Variants in CEP83 observed in about 807,000 individuals in gnomAD.
CEP83 encodes the protein centrosomal protein of 83 kDa.
CEP83 carries 70 observed loss-of-function variants against 101.9 expected under a neutral mutation model. The observed-to-expected ratio is 0.69, with a 90% CI of 0.57 to 0.84. The LOEUF (loss-of-function observed/expected upper bound fraction) is 0.84. CEP83 is among the 40% of genes least tolerant of loss of function. The probability of loss-of-function intolerance (pLI) is 0.00; values close to 1 mark genes in which losing one functional copy is unlikely to be tolerated. For synonymous variants in CEP83, 264 were observed against 267.9 expected, an observed-to-expected ratio of 0.99 and a Z score of 0.14; for missense variants, 715 against 787.2, an observed-to-expected ratio of 0.91 and a Z score of 1.10.
the CEP83 span, chr12:94,300,814 AC>A: frequency 8.5e-7 from 1 of 1,170,926 alleles, no homozygotes; most frequent in African/African-American, 1.5e-5. Context: ...TACTTCAATA[AC>A]AAGGACAAAA....
chr12:94,415,095 T>C (rs1254801124), intron 2 of CEP83, among the ~76,000 whole-genome samples: 1 of 152,038 alleles, frequency 6.6e-6, no homozygotes, highest in Non-Finnish European at 1.5e-5. Flanking sequence ...TATTGAAAGA[T>C]TATTTCAAAA....
At chr12:94,389,582 TC>T (rs763413622) in intron 6 of CEP83, among the ~76,000 whole-genome samples, 1 of 152,184 alleles carries the variant, frequency 6.6e-6, no homozygotes, top group Non-Finnish European at 1.5e-5. Context: ...TTTCTGCATT[TC>T]CAACTGAGGT....
chr12:94,325,923 A>G (rs905105450), intron 14 of CEP83, among the ~76,000 whole-genome samples: 18 of 152,184 alleles, frequency 1.2e-4, no homozygotes, highest in Admixed American at 6.5e-4. Flanking sequence ...ATGGAATTGT[A>G]TAAGTGATAG....
chr12:94,443,314 A>C (rs2066557743), intron 1 of CEP83, among the ~76,000 whole-genome samples: 1 of 152,170 alleles, frequency 6.6e-6, no homozygotes, highest in Non-Finnish European at 1.5e-5. Context: ...ATACCTTCTT[A>C]AACCTTGTCT....
At chr12:94,342,562 A>G (rs942483065) in intron 11 of CEP83, among the ~76,000 whole-genome samples, 2 of 152,218 alleles carry the variant, frequency 1.3e-5, no homozygotes, top group African/African-American at 4.8e-5. Context: ...TTTGCAGGCA[A>G]GGGCTCACTG....
At chr12:94,448,308 C>G (rs2066959665) in intron 1 of CEP83, among the ~76,000 whole-genome samples, 1 of 151,442 alleles carries the variant, frequency 6.6e-6, no homozygotes, top group South Asian at 2.1e-4. Flanking sequence ...ATACATGAAG[C>G]AAAAAAAGAG....
chr12:94,457,894 A>T (rs1370519071), intron 1 of CEP83, among the ~76,000 whole-genome samples: 2 of 152,216 alleles, frequency 1.3e-5, no homozygotes, highest in East Asian at 1.9e-4. Flanking sequence ...TAAACCAAGG[A>T]TTAAAAACTA....
At chr12:94,318,661 TG>T (rs1288228162) in intron 14 of CEP83, among the ~76,000 whole-genome samples, 1 of 152,216 alleles carries the variant, frequency 6.6e-6, no homozygotes, top group Admixed American at 6.5e-5. Flanking sequence ...CTACATCTAT[TG>T]AGATAACCAT....
Position 94,307,889 on chromosome 12 carries a change from A to G in CEP83, c.*924T>C, listed in dbSNP as rs965943815. 6.6e-6 allele frequency: 1 copy of G among 152,178 alleles called. No individual in the cohort carries two copies. The highest frequency in any genetic ancestry group is 2.4e-5 in the African/African-American group (1 of 41,450). 9.4% of individuals were successfully genotyped at this position (152,178 alleles called of 1,614,324 possible). On this transcript the variant is annotated 3_prime_UTR_variant, in exon 17 of 17. Transcript: ENST00000397809. ...TCACTATCAACTGGGACTTTTGACTATGAACACCTTGGGATAATGAACATT... is the reference window on the plus strand; with the variant it reads ...TCACTATCAACTGGGACTTTTGACTGTGAACACCTTGGGATAATGAACATT...
chr12:94,300,725 C>T, the CEP83 span, among the ~76,000 whole-genome samples: 1 of 152,204 alleles, frequency 6.6e-6, no homozygotes, highest in African/African-American at 2.4e-5. Flanking sequence ...TACAGTAGCT[C>T]TGCCAGTTAA....
At chr12:94,373,568 G>A (rs1378570872) in intron 8 of CEP83, among the ~76,000 whole-genome samples, 2 of 152,300 alleles carry the variant, frequency 1.3e-5, no homozygotes, top group East Asian at 3.9e-4. Flanking sequence ...GGACAACTCT[G>A]TTGGGTGGCT....
At chr12:94,282,357 C>A in the CEP83 span, 1 of 1,614,024 alleles carries the variant, frequency 6.2e-7, no homozygotes, top group Non-Finnish European at 8.5e-7. Context: ...CTCCGTGATT[C>A]TTGAAGATGG....
chr12:94,409,355 A>G (rs1351017485), intron 4 of CEP83, among the ~76,000 whole-genome samples: 1 of 152,092 alleles, frequency 6.6e-6, no homozygotes, highest in Non-Finnish European at 1.5e-5. Context: ...TAGATAAATT[A>G]TATTTGTGAG....
Position 94,399,508 on chromosome 12 carries a change from G to A in CEP83, c.549+1342C>T, listed in dbSNP as rs1169192334. On this transcript the variant is annotated intron_variant, in intron 6 of 16. Transcript: ENST00000397809. ...GAGGATCACTTGAGGCCAGTAGTCC[G>A]AGATCAGCTGGGGCAACATAGCAAG... is the stretch of plus-strand genomic sequence containing the variant. Among the ~76,000 whole-genome samples, 14 of 152,194 alleles carry A rather than the reference G, an allele frequency of 9.2e-5. No homozygotes were observed. In the East Asian group the frequency reaches 1.3e-3, roughly 15 times the overall value.
intron 11 of CEP83, 39 bp from the exon 12 acceptor site, chr12:94,335,703 C>G (rs753798965): frequency 1.5e-6 from 2 of 1,304,900 alleles, no homozygotes; most frequent in Non-Finnish European, 2.2e-6. Flanking sequence ...TATTAAGAAT[C>G]CATGATTCAT....
chr12:94,303,279 A>G (rs1467864904), downstream of CEP83, among the ~76,000 whole-genome samples: 3 of 152,192 alleles, frequency 2.0e-5, no homozygotes, highest in African/African-American at 7.2e-5. Context: ...AAGCTGGAAA[A>G]TCTGCCTCTG....
chr12:94,340,490 G>A (rs895517871), intron 11 of CEP83, among the ~76,000 whole-genome samples: 1 of 151,404 alleles, frequency 6.6e-6, no homozygotes, highest in Non-Finnish European at 1.5e-5. Context: ...AGGCTGGAGT[G>A]CAGTGGCACA....
chr12:94,296,358 C>G, the CEP83 span, among the ~76,000 whole-genome samples: 3 of 152,102 alleles, frequency 2.0e-5, no homozygotes, highest in African/African-American at 7.2e-5. Flanking sequence ...AATGAGGTCT[C>G]GCTACATTGT....
chr12:94,356,097 C>T (rs1235914726), intron 11 of CEP83, among the ~76,000 whole-genome samples: 3 of 152,062 alleles, frequency 2.0e-5, no homozygotes, highest in Admixed American at 6.5e-5. Flanking sequence ...CATGGGGGCT[C>T]GAATCCAGGT....
Sources: gnomAD v4.1 joint callset for allele counts (sites outside exome capture counted in the v4.1 genomes callset) on GRCh38, gnomAD v4.1.1 for gene constraint, MANE v1.5 for transcripts, NCBI Gene and HGNC (gene_info 2026-07-23, HGNC 2026-07-21) for gene names.